Variants in USH2A observed in about 807,000 individuals in gnomAD.
The protein encoded by USH2A is usherin.
Under a neutral mutation model 538.9 loss-of-function variants are expected in USH2A, and 443 were observed. The observed-to-expected ratio is 0.82, with a 90% confidence interval of 0.76 to 0.89. The LOEUF (loss-of-function observed/expected upper bound fraction) is 0.89, where lower values mean the gene tolerates loss of function less well. Ranked by LOEUF, USH2A falls within the 40% of genes least tolerant of loss-of-function variation. The pLI is 0.00. For synonymous variants in USH2A, 2,413 were observed against 2,273.5 expected, an observed-to-expected ratio of 1.06 and a Z score of -1.75; for missense variants, 6,633 against 6,324.8, an observed-to-expected ratio of 1.05 and a Z score of -1.65.
intron 15 of USH2A, among the ~76,000 whole-genome samples, chr1:216,210,324 C>T (rs1404615349): frequency 6.6e-6 from 1 of 152,102 alleles, no homozygotes; most frequent in Non-Finnish European, 1.5e-5. Flanking sequence ...TGCGTCTGCA[C>T]CCGGAAGGAA....
chr1:216,412,645 G>A (rs2039508690), intron 3 of USH2A, among the ~76,000 whole-genome samples: 1 of 151,112 alleles, frequency 6.6e-6, no homozygotes. Flanking sequence ...TTACAAATAT[G>A]TATAAATATA....
At chr1:216,010,546 G>C (rs1364735830) in intron 32 of USH2A, among the ~76,000 whole-genome samples, 1 of 151,802 alleles carries the variant, frequency 6.6e-6, no homozygotes, top group Non-Finnish European at 1.5e-5. Context: ...TCACAGTGGA[G>C]GGTAAGTCCA....
intron 21 of USH2A, among the ~76,000 whole-genome samples, chr1:216,103,629 GA>G (rs1558260200): frequency 6.6e-6 from 1 of 152,028 alleles, no homozygotes; most frequent in Non-Finnish European, 1.5e-5. Flanking sequence ...AGTTACTATA[GA>G]TTTTTTTAAT....
rs1661813831 is a variant in USH2A at position 215,786,780 on chromosome 1, G to A, written c.10277C>T (p.Thr3426Ile). The A allele has an allele frequency of 5.6e-6, 9 of 1,613,822 alleles. No individual in the cohort carries two copies. The highest frequency in any genetic ancestry group is 2.7e-5 in the African/African-American group (2 of 74,902). ...GGAATTGTGAGACCCTCTTATCACA[G>A]TGCAAATGTGGCTGGTAAAGTTGAA... ...CDFNFTSHIC[T>I]VIRGSHNSTG... The change falls in exon 52 of 72, where the codon ACT (threonine) becomes ATT (isoleucine). Residue 3426 changes from threonine to isoleucine, a missense_variant. Coordinates refer to ENST00000307340, the MANE Select transcript of USH2A (RefSeq NM_206933.4).
Position 216,190,260 on chromosome 1 carries a change from CACACA to C in USH2A, c.4354_4358del (p.Cys1452AspfsTer23). 1 of 1,612,524 alleles carries C rather than the reference CACACA, an allele frequency of 6.2e-7. No individual in the cohort carries two copies. On this transcript the variant is annotated frameshift_variant, in exon 20 of 72. Transcript: ENST00000307340. LOFTEE classifies it high-confidence loss of function. ...TTTGTCCTGCTCCCGAAGCACTGGTCACACAACCAACTGAATTGCAGAGAGTAATA... is the reference window on the plus strand; with the variant it reads ...TTTGTCCTGCTCCCGAAGCACTGGTCACCAACTGAATTGCAGAGAGTAATA...
At chr1:216,337,423 A>G (rs2037994992) in intron 4 of USH2A, among the ~76,000 whole-genome samples, 1 of 151,456 alleles carries the variant, frequency 6.6e-6, no homozygotes, top group South Asian at 2.1e-4. Context: ...CGACAGGACC[A>G]ATCTCACTTG....
Position 216,175,567 on chromosome 1 carries a change from T to C in USH2A, c.4397-85A>G, listed in dbSNP as rs2034362001. ...TATTCACATATACGTATATATGTAT[T>C]TGTATATATCACACTTCAAATCAAA... On this transcript the variant is annotated intron_variant, in intron 20 of 71. Transcript: ENST00000307340. 20 of 1,214,108 alleles carry C rather than the reference T, an allele frequency of 1.6e-5. No homozygotes were observed. The Admixed American group carries it at 3.5e-4, about 21-fold the overall frequency. The allele number at this position is 1,214,108 out of a possible 1,614,324, so 75.2% of individuals were successfully genotyped here.
chr1:215,635,397 T>C (rs1656444102), intron 69 of USH2A, among the ~76,000 whole-genome samples: 1 of 152,138 alleles, frequency 6.6e-6, no homozygotes, highest in African/African-American at 2.4e-5. Context: ...CGTTCACACA[T>C]TGAGAGTTCA....
chr1:216,285,813 C>A (rs1035836412), intron 11 of USH2A, among the ~76,000 whole-genome samples: 3 of 152,210 alleles, frequency 2.0e-5, no homozygotes, highest in Non-Finnish European at 4.4e-5. Context: ...CAAAGGAGAT[C>A]ATTTGGTAAC....
intron 3 of USH2A, among the ~76,000 whole-genome samples, chr1:216,387,627 A>G (rs2039029246): frequency 6.6e-6 from 1 of 152,222 alleles, no homozygotes; most frequent in African/African-American, 2.4e-5. Context: ...AATGAGGTAT[A>G]TATCGGCGGT....
intron 61 of USH2A, among the ~76,000 whole-genome samples, chr1:215,706,326 T>C (rs1659183763): frequency 6.6e-6 from 1 of 152,212 alleles, no homozygotes; most frequent in Non-Finnish European, 1.5e-5. Context: ...AAAGGCTTTC[T>C]TCTGTTCTTT....
At chr1:216,287,822 A>G (rs966592204) in intron 11 of USH2A, among the ~76,000 whole-genome samples, 2 of 152,176 alleles carry the variant, frequency 1.3e-5, no homozygotes, top group Admixed American at 1.3e-4. Context: ...CTGTTCTGCA[A>G]GTGAAAATTT....
intron 71 of USH2A, among the ~76,000 whole-genome samples, chr1:215,626,453 C>T (rs1357442523): frequency 1.3e-5 from 2 of 151,714 alleles, no homozygotes; most frequent in South Asian, 2.1e-4. Flanking sequence ...TTAGTTCAAA[C>T]GGTAAATGGA....
chr1:215,926,287 A>G (rs181268118), intron 38 of USH2A, among the ~76,000 whole-genome samples: 1 of 151,682 alleles, frequency 6.6e-6, no homozygotes, highest in East Asian at 1.9e-4. Context: ...TCATTGCTCT[A>G]AGGTCTTAGA....
At position 215,745,814 on chromosome 1, in the gene USH2A, A is replaced by T. The variant is rs192755702; in HGVS notation, c.11390-2479T>A. Among the ~76,000 whole-genome samples, 17 of 152,300 alleles carry T rather than the reference A, an allele frequency of 1.1e-4. 1 individual carries two copies. In the East Asian group the frequency reaches 2.7e-3, roughly 24 times the overall value. ...GAGTAGGACAACTTGGGGAAAAATG[A>T]CAAGATAGGTTTGAGAAAATTTGTG... On this transcript the variant is annotated intron_variant, in intron 58 of 71. Coordinates refer to ENST00000307340, the MANE Select transcript of USH2A (RefSeq NM_206933.4).
chr1:216,057,005 T>C (rs1316356132), intron 30 of USH2A, among the ~76,000 whole-genome samples: 1 of 152,258 alleles, frequency 6.6e-6, no homozygotes, highest in African/African-American at 2.4e-5. Context: ...ATTGTGGACA[T>C]GCCTAGTTGA....
chr1:215,861,468 T>C (rs952511365), intron 44 of USH2A, among the ~76,000 whole-genome samples: 1 of 152,178 alleles, frequency 6.6e-6, no homozygotes, highest in African/African-American at 2.4e-5. Flanking sequence ...TTCAAAGTGA[T>C]CAAAACAGAC....
chr1:215,940,946 T>C (rs912215873), intron 37 of USH2A, among the ~76,000 whole-genome samples: 2 of 151,742 alleles, frequency 1.3e-5, no homozygotes, highest in Non-Finnish European at 2.9e-5. Context: ...ACTCTATAGA[T>C]ATCGAGAATC....
intron 65 of USH2A, among the ~76,000 whole-genome samples, chr1:215,649,367 C>T (rs749960968): frequency 2.0e-5 from 3 of 152,094 alleles, no homozygotes; most frequent in Non-Finnish European, 4.4e-5. Flanking sequence ...TTATTTTGAG[C>T]AAATTTTTAA....
Sources: gnomAD v4.1 joint callset for allele counts (sites outside exome capture counted in the v4.1 genomes callset) on GRCh38, gnomAD v4.1.1 for gene constraint, MANE v1.5 for transcripts, NCBI Gene and HGNC (gene_info 2026-07-23, HGNC 2026-07-21) for gene names.